Variants in SMOC2 observed in about 807,000 individuals in gnomAD.
SMOC2 encodes SPARC related modular calcium binding 2, also known as SPARC-related modular calcium-binding protein 2.
In SMOC2, 39 loss-of-function variants were observed where a neutral mutation model predicts 61.4. The ratio of observed to expected loss-of-function variants is 0.64; its 90% confidence interval spans 0.49 to 0.83. SMOC2 has a LOEUF of 0.83. SMOC2 is among the 40% of genes least tolerant of loss of function. The pLI is 0.00. For synonymous variants in SMOC2, 247 were observed against 239.9 expected, an observed-to-expected ratio of 1.03 and a Z score of -0.27; for missense variants, 556 against 592.9, an observed-to-expected ratio of 0.94 and a Z score of 0.65.
At chr6:168,470,160 A>C (rs938355844) in intron 1 of SMOC2, among the ~76,000 whole-genome samples, 11 of 152,200 alleles carry the variant, frequency 7.2e-5, no homozygotes, top group Admixed American at 2.0e-4. Flanking sequence ...GCTTTGTTCT[A>C]AAGTGTGGCT....
chr6:168,492,177 C>G (rs1456645000), intron 1 of SMOC2, among the ~76,000 whole-genome samples: 1 of 152,128 alleles, frequency 6.6e-6, no homozygotes, highest in Non-Finnish European at 1.5e-5. Flanking sequence ...ATAGGACTTA[C>G]CTATCTAAAT....
rs1378145545 is a variant in SMOC2, at chr6:168,526,358, G to A, written c.269G>A (p.Cys90Tyr). ...YRGNCKDVSR[C>Y]VAERKYTQEQ... ...TTCTTCCCTACAGACGTGTCCAGGT[G>A]TGTGGCCGAAAGGAAGTATACCCAG... The change falls in exon 3 of 13, where the codon TGT (cysteine) becomes TAT (tyrosine). Residue 90 changes from cysteine (C) to tyrosine (Y), a missense_variant. Physicochemically the swap from Cys to Tyr is radical, Grantham distance 194. Coordinates refer to ENST00000356284, the MANE Select transcript of SMOC2 (RefSeq NM_001166412.2). The A allele has an allele frequency of 3.7e-6, 6 of 1,614,068 alleles. No individual in the cohort carries two copies. The highest frequency in any genetic ancestry group is 3.3e-5 in the South Asian group (3 of 91,086).
chr6:168,546,531 C>T (rs926786164), intron 5 of SMOC2, among the ~76,000 whole-genome samples: 14 of 152,062 alleles, frequency 9.2e-5, no homozygotes, highest in South Asian at 6.2e-4. Context: ...CTCCATTCTC[C>T]GATCACTTTC....
intron 10 of SMOC2, 90 bp from the exon 11 acceptor site, chr6:168,652,864 G>A (rs1321166241): frequency 2.0e-5 from 25 of 1,238,226 alleles, no homozygotes; most frequent in Non-Finnish European, 2.7e-5. Flanking sequence ...AGAACTACAA[G>A]CAGGGGTTAT....
chr6:168,453,013 C>CGG lies in SMOC2; in HGVS notation c.84+11563_84+11564dup, dbSNP rs1781498125. Among the ~76,000 whole-genome samples, 1 of 152,200 alleles carries CGG rather than the reference C, an allele frequency of 6.6e-6. No homozygotes were observed. Among genetic ancestry groups the CGG allele is most frequent in the East Asian group, 1.9e-4 (1 of 5,188 alleles). On this transcript the variant is annotated intron_variant, in intron 1 of 12. Transcript: ENST00000356284. The surrounding 1 kb of genome is among the most constrained non-coding windows in gnomAD (Gnocchi z 4.4). ...CTCCCAGTGGCTCTGACAGCAGGGC[C>CGG]GGGGGCATAGTTCCCTGGAAGTCGG...
At chr6:168,540,422 A>G (rs1783852308) in intron 4 of SMOC2, among the ~76,000 whole-genome samples, 1 of 152,178 alleles carries the variant, frequency 6.6e-6, no homozygotes, top group Non-Finnish European at 1.5e-5. Context: ...TTTGGTGAAC[A>G]TCCATTGTGC....
At chr6:168,536,040 T>G (rs1341473040) in intron 4 of SMOC2, among the ~76,000 whole-genome samples, 1 of 152,228 alleles carries the variant, frequency 6.6e-6, no homozygotes, top group Non-Finnish European at 1.5e-5. Context: ...TCGGAGGGCC[T>G]GATGGGCCCA....
intron 7 of SMOC2, among the ~76,000 whole-genome samples, chr6:168,567,281 A>G (rs1299699010): frequency 6.6e-6 from 1 of 152,234 alleles, no homozygotes; most frequent in Non-Finnish European, 1.5e-5. Flanking sequence ...AGCATTTTCA[A>G]TCATTATGTT....
intron 5 of SMOC2, among the ~76,000 whole-genome samples, chr6:168,543,899 T>A (rs1025276252): frequency 2.6e-5 from 4 of 152,122 alleles, no homozygotes; most frequent in Non-Finnish European, 5.9e-5. Flanking sequence ...CCGAGGCTTG[T>A]TTCGGGACCA....
intron 1 of SMOC2, among the ~76,000 whole-genome samples, chr6:168,470,235 C>T (rs1404013304): frequency 1.3e-5 from 2 of 152,242 alleles, no homozygotes; most frequent in African/African-American, 4.8e-5. Context: ...GTATCAGTCT[C>T]TGCTGTGAGT....
chr6:168,550,609 C>T (rs1784108878), intron 7 of SMOC2, among the ~76,000 whole-genome samples: 1 of 152,144 alleles, frequency 6.6e-6, no homozygotes, highest in South Asian at 2.1e-4. Flanking sequence ...ATCACTGCCT[C>T]CAGCCCCGGA....
At chr6:168,597,650 T>C (rs954807586) in intron 7 of SMOC2, among the ~76,000 whole-genome samples, 1 of 152,224 alleles carries the variant, frequency 6.6e-6, no homozygotes, top group Admixed American at 6.5e-5. Context: ...TTAATCAGCT[T>C]CAAAGCAGGC....
intron 4 of SMOC2, among the ~76,000 whole-genome samples, chr6:168,540,741 C>A (rs1309371466): frequency 1.3e-5 from 2 of 152,206 alleles, no homozygotes; most frequent in Non-Finnish European, 2.9e-5. Flanking sequence ...CCAGAGAACG[C>A]AGCCCTTGCT....
chr6:168,490,157 A>G (rs1782440130), intron 1 of SMOC2, among the ~76,000 whole-genome samples: 1 of 149,188 alleles, frequency 6.7e-6, no homozygotes, highest in Non-Finnish European at 1.5e-5. Context: ...GTCCCCTTGG[A>G]TCACAGTTTT....
chr6:168,659,423 A>G (rs57214349), intron 11 of SMOC2, among the ~76,000 whole-genome samples: 25,387 of 132,930 alleles, frequency 0.19, 4,014 homozygotes, highest in African/African-American at 0.45. Flanking sequence ...GCCAGGTTAT[A>G]GGCTGGGTGA....
intron 9 of SMOC2, among the ~76,000 whole-genome samples, chr6:168,640,542 C>T (rs1275515458): frequency 6.6e-6 from 1 of 152,144 alleles, no homozygotes; most frequent in African/African-American, 2.4e-5. Flanking sequence ...AACACTTGCT[C>T]TAAATATTTT....
rs1226466722 is a variant in SMOC2 at position 168,452,480 on chromosome 6, A to G, written c.84+11026A>G. Among the ~76,000 whole-genome samples the G allele has an allele frequency of 6.6e-6, 1 of 152,184 alleles. No individual in the cohort carries two copies. The highest frequency in any genetic ancestry group is 1.5e-5 in the Non-Finnish European group (1 of 68,038). On this transcript the variant is annotated intron_variant, in intron 1 of 12. Transcript: ENST00000356284. This position sits in a 1 kb window ranked among gnomAD's most constrained non-coding sequence, Gnocchi z 5.0. ...TGTGAGTCGGGTTTTATTCAAAGCA[A>G]TCGCTTAACTTATTTTATTTGCTAA... is the stretch of plus-strand genomic sequence containing the variant.
Position 168,476,466 on chromosome 6 carries a change from C to CTGTGTGTG in SMOC2, c.85-33441_85-33434dup, listed in dbSNP as rs1191864533. ...ACTGAGCAGTTGGCAATCTTTTATC[C>CTGTGTGTG]TGTGTGTGTGTGTGTATGTGTGTGT... On this transcript the variant is annotated intron_variant, in intron 1 of 12. Coordinates refer to ENST00000356284, the MANE Select transcript of SMOC2 (RefSeq NM_001166412.2). Among the ~76,000 whole-genome samples, 532 of 139,864 alleles carry CTGTGTGTG rather than the reference C, an allele frequency of 3.8e-3. 6 individuals carry two copies. Among genetic ancestry groups the CTGTGTGTG allele is most frequent in the African/African-American group, 0.015 (496 of 33,348 alleles). The allele number at this position is 139,864 out of a possible 152,430, so 91.8% of individuals were successfully genotyped here. A position where few individuals can be genotyped will look rare whatever the true frequency, so the allele number is the denominator to read the frequency against.
chr6:168,538,695 G>A (rs112475639), intron 4 of SMOC2, among the ~76,000 whole-genome samples: 4 of 109,448 alleles, frequency 3.7e-5, no homozygotes, highest in Middle Eastern at 6.9e-3. Flanking sequence ...TGGGGTGACC[G>A]CTGCTGGAAT....
Sources: gnomAD v4.1 joint callset for allele counts (sites outside exome capture counted in the v4.1 genomes callset) on GRCh38, gnomAD v4.1.1 for gene constraint, Gnocchi (gnomAD v3.1) non-coding constraint, MANE v1.5 for transcripts, NCBI Gene and HGNC (gene_info 2026-07-23, HGNC 2026-07-21) for gene names.